Variants in ATP8B1 observed in about 807,000 individuals in gnomAD.
The protein encoded by ATP8B1 is ATPase phospholipid transporting 8B1.
Under a neutral mutation model 149.9 loss-of-function variants are expected in ATP8B1, and 80 were observed. That is an observed-to-expected ratio of 0.53 (90% CI 0.45 to 0.64). The LOEUF (loss-of-function observed/expected upper bound fraction) is 0.64. ATP8B1 is among the 30% of genes least tolerant of loss of function. The pLI is 0.00. For missense variants in ATP8B1, 1,247 were observed against 1,552.6 expected (o/e 0.80, Z 3.31); for synonymous variants, 536 against 562.8 (o/e 0.95, Z 0.67).
chr18:57,714,408 A>C (rs2123031239), intron 2 of ATP8B1, among the ~76,000 whole-genome samples: 1 of 152,272 alleles, frequency 6.6e-6, no homozygotes, highest in Non-Finnish European at 1.5e-5. Context: ...GCATTGAGGG[A>C]ACATAGGCAG....
At chr18:57,672,934 CATGTATAT>C (rs1911340147) in intron 16 of ATP8B1, among the ~76,000 whole-genome samples, 2 of 23,368 alleles carry the variant, frequency 8.6e-5, no homozygotes, top group Non-Finnish European at 1.4e-4. Flanking sequence ...ATATATATAA[CATGTATAT>C]ACACATATAT....
At chr18:57,797,707 T>TTTC (rs2080528588) in intron 1 of ATP8B1, among the ~76,000 whole-genome samples, 5 of 96,394 alleles carry the variant, frequency 5.2e-5, no homozygotes, top group African/African-American at 2.7e-4. Flanking sequence ...TTCTTTCTTT[T>TTTC]TTTTTTTTTT....
intron 2 of ATP8B1, among the ~76,000 whole-genome samples, chr18:57,725,320 C>T (rs1014562617): frequency 2.0e-5 from 3 of 150,966 alleles, no homozygotes; most frequent in African/African-American, 7.3e-5. Context: ...ATTAAGTTTA[C>T]CAAAGAAGTA....
At chr18:57,715,201 A>G (rs938325027) in intron 2 of ATP8B1, among the ~76,000 whole-genome samples, 1 of 152,224 alleles carries the variant, frequency 6.6e-6, no homozygotes, top group African/African-American at 2.4e-5. Context: ...GAAATTCCGG[A>G]GTTGAAAAAT....
Position 57,668,511 on chromosome 18 carries a change from C to G in ATP8B1, c.2127G>C (p.Lys709Asn). 6.7e-7 allele frequency: 1 copy of G among 1,499,594 alleles called. No homozygotes were observed. 92.9% of individuals were successfully genotyped at this position (1,499,594 alleles called of 1,614,324 possible). ...ILLGATAIEDKLQDGVPETIS... is the reference protein window; with the variant it reads ...ILLGATAIEDNLQDGVPETIS... ...TGGTTTCTGGAACTCCATCCTGTAG[C>G]TTGTCTTCAATAGCTGTAGCTCCCA... The change falls in exon 19 of 28, where the codon AAG becomes AAC. Residue 709 changes from lysine to asparagine, a missense_variant. Around this residue, in one of 3 missense-constraint regions of ATP8B1, gnomAD observed 853 missense variants for 1,035.7 expected, o/e 0.82. Coordinates refer to ENST00000648908, the MANE Select transcript of ATP8B1 (RefSeq NM_001374385.1).
chr18:57,676,796 CTT>C (rs996264887), intron 15 of ATP8B1, among the ~76,000 whole-genome samples: 3 of 149,730 alleles, frequency 2.0e-5, no homozygotes, highest in African/African-American at 7.4e-5. Flanking sequence ...TATCCGATAT[CTT>C]AATGTTTAAA....
chr18:57,698,256 T>G (rs1024897839), intron 6 of ATP8B1, among the ~76,000 whole-genome samples: 1 of 152,192 alleles, frequency 6.6e-6, no homozygotes, highest in Non-Finnish European at 1.5e-5. Context: ...ACCTACATTA[T>G]GGCACCCACC....
chr18:57,654,897 G>A (rs1909890130), intron 23 of ATP8B1, among the ~76,000 whole-genome samples: 1 of 150,348 alleles, frequency 6.7e-6, no homozygotes, highest in African/African-American at 2.5e-5. Flanking sequence ...ATGTCGGCCA[G>A]ACTGATCTCA....
chr18:57,777,768 C>T lies in ATP8B1; in HGVS notation c.-26+25230G>A, dbSNP rs954345386. ...TAGTTTTTGTACAGACAGGGTTTTGCCGTGTTGGCCAAGCTGGTTTCGAAC... is the reference window on the plus strand; with the variant it reads ...TAGTTTTTGTACAGACAGGGTTTTGTCGTGTTGGCCAAGCTGGTTTCGAAC... On this transcript the variant is annotated intron_variant, in intron 1 of 27. Transcript: ENST00000648908. 1.2e-3 allele frequency among the ~76,000 whole-genome samples: 177 copies of T among 152,226 alleles called. 1 individual carries two copies. Among genetic ancestry groups the T allele is most frequent in the Non-Finnish European group, 4.1e-4 (28 of 68,016 alleles).
Position 57,783,973 on chromosome 18 carries a change from A to T in ATP8B1, c.-26+19025T>A, listed in dbSNP as rs571510299. 1.2e-4 allele frequency among the ~76,000 whole-genome samples: 19 copies of T among 152,364 alleles called. No individual in the cohort carries two copies. In the South Asian group the frequency reaches 3.7e-3, roughly 30 times the overall value. On this transcript the variant is annotated intron_variant, in intron 1 of 27. Coordinates refer to ENST00000648908, the MANE Select transcript of ATP8B1 (RefSeq NM_001374385.1). The stretch of plus-strand genomic sequence containing the variant: ...TATTTCTGGGCTTCCCCTGTTCTCT[A>T]CATCCTTGCTACTTGAAAAAGAAAG...
In ATP8B1 at chr18:57,674,820, T is replaced by A. The variant is rs372358490; in HGVS notation, c.1819+14A>T. 23 of 1,613,544 alleles carry A rather than the reference T, an allele frequency of 1.4e-5. No individual in the cohort carries two copies. Among genetic ancestry groups the A allele is most frequent in the Non-Finnish European group, 1.9e-5 (22 of 1,179,626 alleles). The stretch of plus-strand genomic sequence containing the variant: ...AAATGAGCGATTCATAGACAGACTC[T>A]GAGGGGGACTTACCAATGATAGACA... On this transcript the variant is annotated intron_variant, in intron 16 of 27. Transcript: ENST00000648908.
At chr18:57,664,072 T>A (rs1308935026) in intron 20 of ATP8B1, among the ~76,000 whole-genome samples, 2 of 36,682 alleles carry the variant, frequency 5.5e-5, no homozygotes, top group East Asian at 0.038. Context: ...GCCAGCCCTT[T>A]TTTTTTTTTT....
At chr18:57,665,314 CCT>C in intron 20 of ATP8B1, among the ~76,000 whole-genome samples, 1 of 151,968 alleles carries the variant, frequency 6.6e-6, no homozygotes, top group East Asian at 1.9e-4. Flanking sequence ...GAAGATGATT[CCT>C]CTCTCTATAA....
At chr18:57,796,405 G>C (rs1568075984) in intron 1 of ATP8B1, among the ~76,000 whole-genome samples, 1 of 152,068 alleles carries the variant, frequency 6.6e-6, no homozygotes, top group African/African-American at 2.4e-5. Flanking sequence ...CAACTACTCG[G>C]GAGACTAAGG....
intron 1 of ATP8B1, among the ~76,000 whole-genome samples, chr18:57,768,862 T>C (rs573046496): frequency 6.6e-6 from 1 of 152,200 alleles, no homozygotes; most frequent in Non-Finnish European, 1.5e-5. Context: ...GCAAACACTG[T>C]AACCAGTTAA....
At chr18:57,693,806 C>CTA (rs1017687166) in intron 11 of ATP8B1, among the ~76,000 whole-genome samples, 2 of 152,142 alleles carry the variant, frequency 1.3e-5, no homozygotes, top group Non-Finnish European at 2.9e-5. Flanking sequence ...TTTGGGGAGT[C>CTA]TAGAGTTTTT....
At chr18:57,721,582 C>T (rs1210463648) in intron 2 of ATP8B1, among the ~76,000 whole-genome samples, 71 of 151,980 alleles carry the variant, frequency 4.7e-4, no homozygotes, top group Non-Finnish European at 8.2e-4. Context: ...TACAGGAGCA[C>T]CCAGATTCAT....
chr18:57,678,240 A>C (rs143275355), intron 15 of ATP8B1, among the ~76,000 whole-genome samples: 209 of 152,290 alleles, frequency 1.4e-3, no homozygotes, highest in South Asian at 3.1e-3. Flanking sequence ...CTGCAAAAAT[A>C]GATAGTGGGG....
At position 57,725,411 on chromosome 18, in the gene ATP8B1, T is replaced by G. The variant is rs551375699; in HGVS notation, c.181+6216A>C. ...AGGACACCAGAAAAATGGAATGATA[T>G]TCCATGCTCATGGATTGGAATATTG... On this transcript the variant is annotated intron_variant, in intron 2 of 27. Coordinates refer to ENST00000648908, the MANE Select transcript of ATP8B1 (RefSeq NM_001374385.1). 7.4e-4 allele frequency among the ~76,000 whole-genome samples: 113 copies of G among 152,316 alleles called. 1 individual carries two copies. Among genetic ancestry groups the G allele is most frequent in the Middle Eastern group, 3.4e-3 (1 of 294 alleles).
Sources: allele counts gnomAD v4.1 joint callset (sites outside exome capture counted in the v4.1 genomes callset), GRCh38; gene constraint gnomAD v4.1.1; regional missense constraint gnomAD v4.1.1; transcripts MANE v1.5; gene names NCBI Gene and HGNC (gene_info 2026-07-23, HGNC 2026-07-21).